Variants in ANO6 observed in about 807,000 individuals in gnomAD.
ANO6 encodes anoctamin 6.
In ANO6, 106 loss-of-function variants were observed where a neutral mutation model predicts 117.5. The ratio of observed to expected loss-of-function variants is 0.90; its 90% CI spans 0.77 to 1.06. ANO6 has a LOEUF of 1.06. Among genes scored for constraint, ANO6 ranks in the 50% least tolerant of loss-of-function variants. The probability of loss-of-function intolerance (pLI) is 0.00; values close to 1 mark genes in which losing one functional copy is unlikely to be tolerated. For missense variants in ANO6, 955 were observed against 1,121.1 expected (o/e 0.85, Z 2.12); for synonymous variants, 367 against 385.1 (o/e 0.95, Z 0.55).
rs973757899 is a variant in ANO6, at chr12:45,363,689, G to A, written c.999-3999G>A. Among the ~76,000 whole-genome samples, 6 of 152,248 alleles carry A rather than the reference G, an allele frequency of 3.9e-5. No individual in the cohort carries two copies. The Middle Eastern group carries it at 0.017, about 432-fold the overall frequency. ...GCTCCCATAATTCCCACATGTTGTA[G>A]GAGGGACCTGGTGGGAGATAATTGA... is the stretch of plus-strand genomic sequence containing the variant. On this transcript the variant is annotated intron_variant, in intron 8 of 19. Transcript: ENST00000320560.
At chr12:45,402,453 C>T (rs1329702607) in intron 13 of ANO6, among the ~76,000 whole-genome samples, 2 of 152,116 alleles carry the variant, frequency 1.3e-5, no homozygotes, top group Non-Finnish European at 2.9e-5. Context: ...TTCTCATCAG[C>T]CCTTGATTTT....
intron 8 of ANO6, among the ~76,000 whole-genome samples, chr12:45,361,316 G>A (rs55669472): frequency 0.37 from 55,755 of 151,732 alleles, 12,800 homozygotes; most frequent in Non-Finnish European, 0.51. Context: ...AAATTGTTTC[G>A]TTAATTTAAC....
chr12:45,236,945 A>G (rs995568279), intron 1 of ANO6, among the ~76,000 whole-genome samples: 1 of 152,000 alleles, frequency 6.6e-6, no homozygotes, highest in Non-Finnish European at 1.5e-5. Flanking sequence ...TTGGTATCTC[A>G]TTGTGGTTTT....
At chr12:45,260,212 G>C (rs1937978357) in intron 1 of ANO6, among the ~76,000 whole-genome samples, 1 of 152,242 alleles carries the variant, frequency 6.6e-6, no homozygotes, top group Admixed American at 6.5e-5. Flanking sequence ...AAGTCAGTTT[G>C]TACAGTTCAG....
intron 3 of ANO6, among the ~76,000 whole-genome samples, chr12:45,338,221 G>C (rs1342786890): frequency 6.6e-6 from 1 of 152,048 alleles, no homozygotes; most frequent in Non-Finnish European, 1.5e-5. Flanking sequence ...AAGCAACACA[G>C]TGTTCTGGTA....
intron 1 of ANO6, among the ~76,000 whole-genome samples, chr12:45,244,112 T>G (rs925873949): frequency 6.6e-6 from 1 of 152,204 alleles, no homozygotes; most frequent in African/African-American, 2.4e-5. Context: ...AAATATAATC[T>G]AAAATCATAT....
At chr12:45,316,027 T>A (rs1940012751) in intron 2 of ANO6, among the ~76,000 whole-genome samples, 1 of 152,028 alleles carries the variant, frequency 6.6e-6, no homozygotes, top group Non-Finnish European at 1.5e-5. Context: ...TCTAAATAAT[T>A]CCTTTAAAAA....
At chr12:45,343,092 C>A (rs1941027083) in intron 3 of ANO6, among the ~76,000 whole-genome samples, 1 of 152,020 alleles carries the variant, frequency 6.6e-6, no homozygotes. Flanking sequence ...AGGTAATGAG[C>A]GTAAGGAGCA....
At chr12:45,320,988 C>G (rs1018449390) in intron 2 of ANO6, among the ~76,000 whole-genome samples, 1 of 152,000 alleles carries the variant, frequency 6.6e-6, no homozygotes, top group Non-Finnish European at 1.5e-5. Context: ...TTCCTCCATC[C>G]CTTTATTTTG....
chr12:45,341,515 T>G (rs1265674582), intron 3 of ANO6, among the ~76,000 whole-genome samples: 1 of 152,208 alleles, frequency 6.6e-6, no homozygotes, highest in Non-Finnish European at 1.5e-5. Context: ...CTATACATTC[T>G]CATCAGTGAC....
At position 45,321,246 on chromosome 12, in the gene ANO6, G is replaced by T. The variant is rs80158540; in HGVS notation, c.151-10049G>T. 9.4e-3 allele frequency among the ~76,000 whole-genome samples: 1,431 copies of T among 152,248 alleles called. 12 individuals are homozygous for T. Among genetic ancestry groups the T allele is most frequent in the Non-Finnish European group, 0.014 (982 of 68,024 alleles). On this transcript the variant is annotated intron_variant, in intron 2 of 19. Transcript: ENST00000320560. The stretch of plus-strand genomic sequence containing the variant: ...CAGATAATTGTGGATGTTCTTCTTG[G>T]ATTGCACAATGAAACTCAACAAGTG...
intron 1 of ANO6, among the ~76,000 whole-genome samples, chr12:45,237,268 G>C (rs927259235): frequency 6.6e-6 from 1 of 152,194 alleles, no homozygotes; most frequent in Non-Finnish European, 1.5e-5. Context: ...TGTTGCCATT[G>C]CTTCTGGTGT....
At chr12:45,271,341 A>G (rs57732899) in intron 1 of ANO6, among the ~76,000 whole-genome samples, 2,166 of 152,298 alleles carry the variant, frequency 0.014, 39 homozygotes, top group African/African-American at 0.048. Context: ...TAAGGACTGA[A>G]TTATTATTTG....
intron 1 of ANO6, among the ~76,000 whole-genome samples, chr12:45,245,414 A>C (rs1453411387): frequency 6.6e-6 from 1 of 151,864 alleles, no homozygotes; most frequent in African/African-American, 2.4e-5. Context: ...AAAAAACAAA[A>C]AACTGATTTT....
chr12:45,413,017 A>C (rs1943125163), intron 16 of ANO6, among the ~76,000 whole-genome samples: 2 of 152,224 alleles, frequency 1.3e-5, no homozygotes, highest in African/African-American at 2.4e-5. Flanking sequence ...ACAGGTGGGA[A>C]TATCAGGTAG....
chr12:45,353,857 T>C (rs1941343976), intron 7 of ANO6, among the ~76,000 whole-genome samples: 1 of 152,110 alleles, frequency 6.6e-6, no homozygotes, highest in Non-Finnish European at 1.5e-5. Context: ...AAAATCTAGC[T>C]CTTGGAAACT....
At chr12:45,270,507 A>G (rs1184243068) in intron 1 of ANO6, 23 of 1,286,474 alleles carry the variant, frequency 1.8e-5, no homozygotes, top group Non-Finnish European at 2.4e-5. Flanking sequence ...CCTCATACTC[A>G]CCTCCCATCC....
At chr12:45,258,493 T>A (rs1937914546) in intron 1 of ANO6, among the ~76,000 whole-genome samples, 1 of 152,260 alleles carries the variant, frequency 6.6e-6, no homozygotes, top group East Asian at 1.9e-4. Flanking sequence ...ATGTCCACGT[T>A]CCCTACCTCA....
At chr12:45,387,327 A>C (rs1411664943) in intron 10 of ANO6, among the ~76,000 whole-genome samples, 1 of 152,214 alleles carries the variant, frequency 6.6e-6, no homozygotes, top group Non-Finnish European at 1.5e-5. Flanking sequence ...AGATTGAGAA[A>C]AATACTAGTT....
Sources: gnomAD v4.1 joint callset for allele counts (sites outside exome capture counted in the v4.1 genomes callset) on GRCh38, gnomAD v4.1.1 for gene constraint, MANE v1.5 for transcripts, NCBI Gene and HGNC (gene_info 2026-07-23, HGNC 2026-07-21) for gene names.